TRPC5: variants seen among roughly 807,000 people sequenced by gnomAD.
TRPC5 encodes the protein transient receptor potential cation channel subfamily C member 5.
In TRPC5, 9 loss-of-function variants were observed where a neutral mutation model predicts 56.5. The observed-to-expected ratio is 0.16, with a 90% CI of 0.10 to 0.28. TRPC5 has a LOEUF of 0.28. TRPC5 is among the 10% of genes least tolerant of loss of function. The probability of loss-of-function intolerance (pLI) is 1.00; values close to 1 mark genes in which losing one functional copy is unlikely to be tolerated. For missense variants in TRPC5, 469 were observed against 748.9 expected (o/e 0.63, Z 4.36); for synonymous variants, 282 against 278.5 (o/e 1.01, Z -0.13).
intron 1 of TRPC5, among the ~76,000 whole-genome samples, chrX:111,966,869 T>C (rs1281287644): frequency 9.0e-6 from 1 of 111,627 alleles, no homozygotes; most frequent in Non-Finnish European, 1.9e-5. Flanking sequence ...CCGCAGCCAA[T>C]ATCATACTGA....
intron 1 of TRPC5, among the ~76,000 whole-genome samples, chrX:112,041,075 G>T (rs1410593906): frequency 9.0e-6 from 1 of 111,721 alleles, no homozygotes; most frequent in Non-Finnish European, 1.9e-5. Flanking sequence ...TTTGGTTGGG[G>T]CCATTAATTT....
Position 111,887,276 on chromosome X carries a change from A to C in TRPC5, c.900+25015T>G, listed in dbSNP as rs145910888. Among the ~76,000 whole-genome samples the C allele has an allele frequency of 2.5e-3, 278 of 112,737 alleles. 3 individuals are homozygous for C. The highest frequency in any genetic ancestry group is 8.4e-4 in the Non-Finnish European group (45 of 53,359). On this transcript the variant is annotated intron_variant, in intron 3 of 10. Transcript: ENST00000262839. ...TAATTTATTCCACTAAGTAGATGGG[A>C]TATTCAAATGTTGCTTTCTTTCTTT...
chrX:111,940,859 A>G (rs1437383279), intron 2 of TRPC5, among the ~76,000 whole-genome samples: 5 of 111,571 alleles, frequency 4.5e-5, no homozygotes, highest in African/African-American at 1.6e-4. Context: ...TGGACAAAAG[A>G]CTGATTTCAG....
At position 111,807,956 on chromosome X, in the gene TRPC5, CTGTGTG is replaced by C. The variant is rs60688414; in HGVS notation, c.1897-25824_1897-25819del. ...AAATGGAGTCTCTCTCTCTCTCTCT[CTGTGTG>C]TGTGTGTGTGTGTGTGTGTGTGTGT... On this transcript the variant is annotated intron_variant, in intron 7 of 10. Coordinates refer to ENST00000262839, the MANE Select transcript of TRPC5 (RefSeq NM_012471.3). Among the ~76,000 whole-genome samples, 480 of 91,914 alleles carry C rather than the reference CTGTGTG, an allele frequency of 5.2e-3. 2 individuals carry two copies. Among genetic ancestry groups the C allele is most frequent in the Non-Finnish European group, 6.9e-3 (336 of 48,868 alleles). The allele number at this position is 91,914 out of a possible 115,157, so 79.8% of individuals were successfully genotyped here.
At chrX:112,074,394 A>G (rs1036403928) in intron 1 of TRPC5, among the ~76,000 whole-genome samples, 6 of 109,980 alleles carry the variant, frequency 5.5e-5, no homozygotes, top group Non-Finnish European at 1.1e-4. Flanking sequence ...CTAAATTTCT[A>G]TAATTGCTTC....
chrX:112,073,820 T>C (rs1298880835), intron 1 of TRPC5, among the ~76,000 whole-genome samples: 1 of 112,000 alleles, frequency 8.9e-6, no homozygotes, highest in African/African-American at 3.2e-5. Context: ...TCACATTTTC[T>C]TATGGCACCA....
At chrX:111,962,042 C>G (rs1927396813) in intron 1 of TRPC5, among the ~76,000 whole-genome samples, 1 of 108,611 alleles carries the variant, frequency 9.2e-6, no homozygotes, top group Non-Finnish European at 1.9e-5. Flanking sequence ...AGTGGACACA[C>G]ATGAACATAA....
intron 3 of TRPC5, among the ~76,000 whole-genome samples, chrX:111,866,617 C>T (rs1184827139): frequency 1.8e-5 from 2 of 112,590 alleles, no homozygotes; most frequent in Non-Finnish European, 3.8e-5. Flanking sequence ...GGCCCAATGG[C>T]TCTTGGCCCC....
chrX:111,827,737 C>G (rs1206239425), intron 7 of TRPC5, among the ~76,000 whole-genome samples: 3 of 111,642 alleles, frequency 2.7e-5, no homozygotes, highest in African/African-American at 9.8e-5. Context: ...GTATTTGCCC[C>G]TATCCCACTC....
At chrX:111,814,032 C>G (rs952855525) in intron 7 of TRPC5, among the ~76,000 whole-genome samples, 1 of 112,298 alleles carries the variant, frequency 8.9e-6, no homozygotes, top group Non-Finnish European at 1.9e-5. Flanking sequence ...ATTTCTGGAC[C>G]TCACTAGAAA....
chrX:111,941,232 C>T (rs1926769698), intron 2 of TRPC5, among the ~76,000 whole-genome samples: 1 of 112,111 alleles, frequency 8.9e-6, no homozygotes, highest in Non-Finnish European at 1.9e-5. Context: ...ATATGACCAC[C>T]TTGCAGGCTC....
At chrX:111,840,322 T>C (rs1922693273) in intron 6 of TRPC5, among the ~76,000 whole-genome samples, 1 of 112,274 alleles carries the variant, frequency 8.9e-6, no homozygotes. Flanking sequence ...CCACCATGCC[T>C]GGCCCATTCC....
At chrX:111,793,529 T>C in intron 7 of TRPC5, among the ~76,000 whole-genome samples, 1 of 111,694 alleles carries the variant, frequency 9.0e-6, no homozygotes, top group Non-Finnish European at 1.9e-5. Flanking sequence ...GGATGACTAT[T>C]ATAAGAAAAG....
At position 111,817,961 on chromosome X, in the gene TRPC5, C is replaced by T. The variant is rs1315895515; in HGVS notation, c.1896+16960G>A. Among the ~76,000 whole-genome samples the T allele has an allele frequency of 8.1e-5, 9 of 111,522 alleles. No individual in the cohort carries two copies. The East Asian group carries it at 2.6e-3, about 32-fold the overall frequency. ...CATCAGAAGTGCCAGCTAGCTTGAA[C>T]TTCTTTCATCCTCGCTCCCAAACAC... On this transcript the variant is annotated intron_variant, in intron 7 of 10. Coordinates refer to ENST00000262839, the MANE Select transcript of TRPC5 (RefSeq NM_012471.3).
intron 2 of TRPC5, among the ~76,000 whole-genome samples, chrX:111,915,583 T>C (rs1470567544): frequency 8.9e-6 from 1 of 112,058 alleles, no homozygotes; most frequent in Non-Finnish European, 1.9e-5. Context: ...GCTCAAATAC[T>C]GTGGGCACAA....
At chrX:111,864,303 G>A (rs1287163469) in intron 3 of TRPC5, among the ~76,000 whole-genome samples, 1 of 112,125 alleles carries the variant, frequency 8.9e-6, no homozygotes, top group Non-Finnish European at 1.9e-5. Flanking sequence ...TGTCTAATTC[G>A]TTTTCTATGT....
At chrX:111,930,333 T>G (rs775064303) in intron 2 of TRPC5, among the ~76,000 whole-genome samples, 1 of 111,096 alleles carries the variant, frequency 9.0e-6, no homozygotes, top group Non-Finnish European at 1.9e-5. Flanking sequence ...TTTTTGTATT[T>G]TAAGTAGAGA....
At chrX:111,988,361 C>A (rs1350290578) in intron 1 of TRPC5, among the ~76,000 whole-genome samples, 1 of 111,327 alleles carries the variant, frequency 9.0e-6, no homozygotes, top group Non-Finnish European at 1.9e-5. Flanking sequence ...GTCCCTAGCT[C>A]TATTGATTGC....
chrX:112,029,601 A>G (rs2147717771), intron 1 of TRPC5, among the ~76,000 whole-genome samples: 1 of 111,439 alleles, frequency 9.0e-6, no homozygotes, highest in Admixed American at 9.5e-5. Flanking sequence ...ACTAATTTAC[A>G]TTTCCACCAG....
Sources: gnomAD v4.1 joint callset for allele counts (sites outside exome capture counted in the v4.1 genomes callset) on GRCh38, gnomAD v4.1.1 for gene constraint, MANE v1.5 for transcripts, NCBI Gene and HGNC (gene_info 2026-07-23, HGNC 2026-07-21) for gene names.